Variants in SMARCA4 observed in about 807,000 individuals in gnomAD.
The protein encoded by SMARCA4 is SWI/SNF-related matrix-associated actin-dependent regulator of chromatin subfamily A member 4.
SMARCA4 carries 31 observed loss-of-function variants against 193.9 expected under a neutral mutation model. The ratio of observed to expected loss-of-function variants is 0.16; its 90% CI spans 0.12 to 0.22. The LOEUF (loss-of-function observed/expected upper bound fraction) is 0.22. Ranked by LOEUF, SMARCA4 falls within the 10% of genes least tolerant of loss-of-function variation. The pLI is 1.00. For missense variants in SMARCA4, 1,148 were observed against 2,296.0 expected (o/e 0.50, Z 10.22); for synonymous variants, 942 against 933.1 (o/e 1.01, Z -0.17).
At chr19:10,976,980 C>T (rs991011779) in intron 1 of SMARCA4, among the ~76,000 whole-genome samples, 3 of 152,008 alleles carry the variant, frequency 2.0e-5, no homozygotes, top group Admixed American at 6.6e-5. Context: ...TCGCTTGAAC[C>T]TAGGAGGCGG....
rs1346382936 is a variant in SMARCA4 at position 11,026,164 on chromosome 19, C to G, written c.3169-136C>G. ...TGGTTTTGGCATCTGTGTCTGGTCT[C>G]AGAGCCGCCGTGGGCCCGTGCCGAG... On this transcript the variant is annotated intron_variant, in intron 22 of 34. Transcript: ENST00000344626. The G allele has an allele frequency of 5.3e-6, 4 of 754,324 alleles. No homozygotes were observed. The African/African-American group carries it at 6.8e-5, about 13-fold the overall frequency. The allele number at this position is 754,324 out of a possible 1,614,324, so 46.7% of individuals were successfully genotyped here.
chr19:11,046,758 C>G (rs1462594737), intron 30 of SMARCA4, among the ~76,000 whole-genome samples: 1 of 151,968 alleles, frequency 6.6e-6, no homozygotes, highest in Non-Finnish European at 1.5e-5. Flanking sequence ...GAGTACGAGA[C>G]CAACCTGAGC....
Position 10,987,573 on chromosome 19 carries a change from C to T in SMARCA4, c.860-93C>T, listed in dbSNP as rs2145808941. On this transcript the variant is annotated intron_variant, in intron 5 of 34. Transcript: ENST00000344626. The surrounding 1 kb of genome is among the most constrained non-coding windows in gnomAD (Gnocchi z 5.3). ...GGAGATGGGCGGGGTCTGCCTGTCC[C>T]CAGTGCCTCAAGCAGCTCAGCAGCT... The T allele has an allele frequency of 6.8e-7, 1 of 1,466,314 alleles. No homozygotes were observed. Among genetic ancestry groups the T allele is most frequent in the Non-Finnish European group, 9.5e-7 (1 of 1,049,520 alleles). 90.8% of individuals were successfully genotyped at this position (1,466,314 alleles called of 1,614,324 possible). A position where few individuals can be genotyped will look rare whatever the true frequency, so the allele number is the denominator to read the frequency against.
intron 9 of SMARCA4, chr19:10,995,986 C>G: frequency 1.6e-6 from 1 of 616,610 alleles, no homozygotes; most frequent in Non-Finnish European, 3.0e-6. Flanking sequence ...CTGTAAATGG[C>G]TGCTGGCGGG....
At chr19:11,014,218 A>G (rs1197785206) in intron 16 of SMARCA4, among the ~76,000 whole-genome samples, 1 of 152,110 alleles carries the variant, frequency 6.6e-6, no homozygotes, top group East Asian at 1.9e-4. Flanking sequence ...GGGGAGCGGC[A>G]TGCCCATGCT....
rs74182450 is a variant in SMARCA4, at chr19:10,974,689, A to ATTTTTTTTTTTTTTTTT, written c.-31-9413_-31-9397dup. ...TGCATATATATATATATATATATAT[A>ATTTTTTTTTTTTTTTTT]TTTTTTTTTTTTTTTTTTTTTTTTT... On this transcript the variant is annotated intron_variant, in intron 1 of 34. Transcript: ENST00000344626. Among the ~76,000 whole-genome samples, 2 of 37,162 alleles carry ATTTTTTTTTTTTTTTTT rather than the reference A, an allele frequency of 5.4e-5. 1 individual carries two copies. The highest frequency in any genetic ancestry group is 3.0e-4 in the African/African-American group (2 of 6,654). 24.4% of individuals were successfully genotyped at this position (37,162 alleles called of 152,430 possible). A position where few individuals can be genotyped will look rare whatever the true frequency, so the allele number is the denominator to read the frequency against.
chr19:10,996,577 A>C, intron 11 of SMARCA4, 33 bp downstream of exon 11: 1 of 1,602,868 alleles, frequency 6.2e-7, no homozygotes, highest in Non-Finnish European at 8.5e-7. Flanking sequence ...GGAAGTATCA[A>C]GCTAGCCCTA....
intron 29 of SMARCA4, among the ~76,000 whole-genome samples, chr19:11,037,050 T>A (rs1394880477): frequency 2.6e-5 from 4 of 152,274 alleles, no homozygotes; most frequent in Admixed American, 1.3e-4. Flanking sequence ...ACACTTGGGT[T>A]GTATCCACTT....
At chr19:11,049,775 G>A (rs1413481465) in intron 30 of SMARCA4, among the ~76,000 whole-genome samples, 1 of 152,202 alleles carries the variant, frequency 6.6e-6, no homozygotes, top group Non-Finnish European at 1.5e-5. Flanking sequence ...CAGCCTGCCT[G>A]CGACAGTGAT....
At chr19:11,024,008 G>T (rs1473398532) in intron 20 of SMARCA4, among the ~76,000 whole-genome samples, 1 of 152,188 alleles carries the variant, frequency 6.6e-6, no homozygotes, top group African/African-American at 2.4e-5. Context: ...AGTTCCCACA[G>T]CAAGACCCAT....
intron 29 of SMARCA4, chr19:11,039,867 G>A (rs1263219423): frequency 5.5e-6 from 1 of 183,260 alleles, no homozygotes; most frequent in Non-Finnish European, 1.1e-5. Flanking sequence ...TGGATCACGA[G>A]GTTAAGAGAT....
At chr19:10,999,665 A>G (rs1438970017) in intron 11 of SMARCA4, among the ~76,000 whole-genome samples, 3 of 152,120 alleles carry the variant, frequency 2.0e-5, no homozygotes, top group Non-Finnish European at 4.4e-5. Flanking sequence ...CTCACACGCA[A>G]AAAGAATCTT....
chr19:11,006,609 G>A (rs891573160), intron 13 of SMARCA4, among the ~76,000 whole-genome samples: 2 of 151,526 alleles, frequency 1.3e-5, no homozygotes, highest in African/African-American at 4.9e-5. Flanking sequence ...AAAATTAGCC[G>A]GGGTGATGGT....
At chr19:11,017,888 C>T (rs768660443) in intron 16 of SMARCA4, among the ~76,000 whole-genome samples, 1 of 152,232 alleles carries the variant, frequency 6.6e-6, no homozygotes, top group Non-Finnish European at 1.5e-5. Flanking sequence ...GCTGCACTGC[C>T]TCCCTCGCCT....
intron 20 of SMARCA4, 152 bp downstream of exon 20, chr19:11,023,783 G>T: frequency 1.4e-6 from 1 of 697,758 alleles, no homozygotes. Context: ...GGTCTGTAAA[G>T]CCCTGTGCTG....
At chr19:10,990,973 C>T (rs981738447) in intron 7 of SMARCA4, among the ~76,000 whole-genome samples, 177 bp from the exon 8 acceptor site, 1 of 152,240 alleles carries the variant, frequency 6.6e-6, no homozygotes, top group Non-Finnish European at 1.5e-5. Context: ...ACCTTCTGTC[C>T]TGTGCTCGCC....
chr19:11,041,422 G>T lies in SMARCA4; in HGVS notation c.4286G>T (p.Arg1429Leu), dbSNP rs1290442223. 6.2e-7 allele frequency: 1 copy of T among 1,612,030 alleles called. No individual in the cohort carries two copies. The highest frequency in any genetic ancestry group is 8.5e-7 in the Non-Finnish European group (1 of 1,179,878). ...TCCTCCACCCCGACCACCAGCACCC[G>T]CAGCCGCGACAAGGACGACGAGAGC... Reference protein sequence around the residue: ...AGSSTPTTSTRSRDKDDESKK... With the variant: ...AGSSTPTTSTLSRDKDDESKK... Residue 1429 changes from arginine (R) to leucine (L), a missense_variant, in exon 30 of 35, where the codon CGC becomes CTC. This residue lies in a region of SMARCA4 where 141 missense variants were observed against 193.0 expected (regional missense o/e 0.73). Transcript: ENST00000344626. This position sits in a 1 kb window ranked among gnomAD's most constrained non-coding sequence, Gnocchi z 5.6.
intron 1 of SMARCA4, among the ~76,000 whole-genome samples, chr19:10,976,093 T>G (rs914869862): frequency 1.3e-5 from 2 of 152,216 alleles, no homozygotes; most frequent in African/African-American, 4.8e-5. Flanking sequence ...TGCAGGACTC[T>G]AAGCGGCACC....
At chr19:10,990,553 C>G (rs1231929553) in intron 7 of SMARCA4, among the ~76,000 whole-genome samples, 1 of 152,332 alleles carries the variant, frequency 6.6e-6, no homozygotes, top group South Asian at 2.1e-4. Flanking sequence ...GCTGGGATTA[C>G]AGGCATGAGC....
Sources: gnomAD v4.1 joint callset for allele counts (sites outside exome capture counted in the v4.1 genomes callset) on GRCh38, gnomAD v4.1.1 for gene constraint, gnomAD v4.1.1 regional missense constraint, Gnocchi (gnomAD v3.1) non-coding constraint, MANE v1.5 for transcripts, NCBI Gene and HGNC (gene_info 2026-07-23, HGNC 2026-07-21) for gene names.